Variants in CNTN3 observed in about 807,000 individuals in gnomAD.
CNTN3 encodes contactin 3.
Under a neutral mutation model 119.1 loss-of-function variants are expected in CNTN3, and 60 were observed. The observed-to-expected ratio is 0.50, with a 90% confidence interval of 0.41 to 0.62. The LOEUF (loss-of-function observed/expected upper bound fraction) is 0.62. Ranked by LOEUF, CNTN3 falls within the 20% of genes least tolerant of loss-of-function variation. The pLI, the probability that CNTN3 is intolerant of heterozygous loss-of-function variation, is 0.00. For missense variants in CNTN3, 1,101 were observed against 1,242.4 expected (o/e 0.89, Z 1.71); for synonymous variants, 450 against 438.7 (o/e 1.03, Z -0.32).
chr3:74,445,885 ACGTAGGACTT>A lies in CNTN3; in HGVS notation c.359-20955_359-20946del, dbSNP rs547371885. ...AAATAAACCTGAAATTGGGGCTGCC[ACGTAGGACTT>A]CACAGGTTGTGCACTGCACAACTCA... On this transcript the variant is annotated intron_variant, in intron 4 of 22. Coordinates refer to ENST00000263665, the MANE Select transcript of CNTN3 (RefSeq NM_020872.3). 1.2e-4 allele frequency among the ~76,000 whole-genome samples: 19 copies of A among 152,344 alleles called. 1 individual carries two copies. In the South Asian group the frequency reaches 3.1e-3, roughly 25 times the overall value.
intron 1 of CNTN3, among the ~76,000 whole-genome samples, chr3:74,577,367 C>T (rs1244196799): frequency 6.6e-6 from 1 of 152,140 alleles, no homozygotes; most frequent in Non-Finnish European, 1.5e-5. Flanking sequence ...TAAAATATAT[C>T]TTGGTTCATT....
chr3:74,343,179 T>C (rs1436820910), intron 11 of CNTN3, among the ~76,000 whole-genome samples: 2 of 152,200 alleles, frequency 1.3e-5, no homozygotes, highest in Non-Finnish European at 2.9e-5. Context: ...AATGGTTTCC[T>C]GACATTTCAC....
chr3:74,419,671 A>G (rs2106887303), intron 5 of CNTN3, among the ~76,000 whole-genome samples: 1 of 152,340 alleles, frequency 6.6e-6, no homozygotes, highest in African/African-American at 2.4e-5. Context: ...AAGACACCAA[A>G]GTCACTTGCT....
chr3:74,327,106 C>T (rs630278), intron 13 of CNTN3, among the ~76,000 whole-genome samples: 60,401 of 79,416 alleles, frequency 0.76, 20,984 homozygotes, highest in Non-Finnish European at 0.8. Context: ...AGGGTTAATC[C>T]TTTTTTTTTT....
chr3:74,307,265 A>G (rs1308435130), intron 13 of CNTN3, among the ~76,000 whole-genome samples: 2 of 152,200 alleles, frequency 1.3e-5, no homozygotes, highest in Non-Finnish European at 2.9e-5. Flanking sequence ...AGCTGACTTC[A>G]AGTTCATATT....
At chr3:74,293,399 C>A (rs1222400887) in intron 19 of CNTN3, among the ~76,000 whole-genome samples, 2 of 152,172 alleles carry the variant, frequency 1.3e-5, no homozygotes, top group African/African-American at 4.8e-5. Flanking sequence ...AAAAGAAGGG[C>A]AAGGTTACAT....
intron 1 of CNTN3, among the ~76,000 whole-genome samples, chr3:74,584,949 T>C (rs1025914558): frequency 1.3e-5 from 2 of 152,122 alleles, no homozygotes; most frequent in Non-Finnish European, 2.9e-5. Context: ...CCCTCATGAT[T>C]GCAAGATGGT....
chr3:74,319,508 A>T (rs1172491057), intron 13 of CNTN3, among the ~76,000 whole-genome samples: 2 of 152,148 alleles, frequency 1.3e-5, no homozygotes, highest in Non-Finnish European at 2.9e-5. Flanking sequence ...CTTATACAAA[A>T]ATTAATTCAA....
In CNTN3 at chr3:74,323,880, A is replaced by AT. The variant is rs111790238; in HGVS notation, c.1668+10854dup. 2.4e-3 allele frequency among the ~76,000 whole-genome samples: 360 copies of AT among 152,068 alleles called. 1 individual carries two copies. The highest frequency in any genetic ancestry group is 8.0e-3 in the African/African-American group (333 of 41,474). On this transcript the variant is annotated intron_variant, in intron 13 of 22. Transcript: ENST00000263665. ...TCAGCGTCAGCCTCCCAGAGATGAG[A>AT]TTTTTTTTAAATTTTCAAGTCACAG...
intron 4 of CNTN3, among the ~76,000 whole-genome samples, chr3:74,478,440 G>A (rs1448803821): frequency 6.6e-6 from 1 of 152,102 alleles, no homozygotes; most frequent in East Asian, 1.9e-4. Context: ...GATGTTTTGT[G>A]GAGGGTCTTG....
chr3:74,503,404 G>C (rs963668806), intron 2 of CNTN3, among the ~76,000 whole-genome samples: 1 of 152,046 alleles, frequency 6.6e-6, no homozygotes, highest in Non-Finnish European at 1.5e-5. Flanking sequence ...CTCTTAAAAA[G>C]TAAGTACAAA....
At chr3:74,602,888 T>C (rs1352424380) in intron 1 of CNTN3, among the ~76,000 whole-genome samples, 1 of 152,122 alleles carries the variant, frequency 6.6e-6, no homozygotes, top group Admixed American at 6.5e-5. Context: ...CTCACTAATG[T>C]GAACAGAATG....
intron 5 of CNTN3, among the ~76,000 whole-genome samples, chr3:74,375,526 C>T (rs1246521019): frequency 6.6e-6 from 1 of 152,100 alleles, no homozygotes; most frequent in African/African-American, 2.4e-5. Flanking sequence ...TTGAGGGGAA[C>T]AATCTTGGGT....
chr3:74,582,783 T>TTGTGTGTGTG (rs60306845), intron 1 of CNTN3, among the ~76,000 whole-genome samples: 8,927 of 145,006 alleles, frequency 0.062, 687 homozygotes, highest in African/African-American at 0.19. Context: ...GTGTATGCAT[T>TTGTGTGTGTG]TGTGTGTGTG....
rs185518092 is a variant in CNTN3, at chr3:74,465,125, C to A, written c.358+21331G>T. Among the ~76,000 whole-genome samples the A allele has an allele frequency of 1.2e-3, 178 of 152,286 alleles. 1 individual carries two copies. The highest frequency in any genetic ancestry group is 4.0e-3 in the African/African-American group (166 of 41,568). On this transcript the variant is annotated intron_variant, in intron 4 of 22. Coordinates refer to ENST00000263665, the MANE Select transcript of CNTN3 (RefSeq NM_020872.3). ...TTTGTAAATAAACATTCCCTAAGAA[C>A]CTTCTGACAATGTCAGTTTCCTATT...
intron 5 of CNTN3, among the ~76,000 whole-genome samples, chr3:74,394,351 G>A (rs545240576): frequency 6.6e-6 from 1 of 152,292 alleles, no homozygotes; most frequent in East Asian, 1.9e-4. Context: ...GCAAAATGAT[G>A]TGATTTTGAA....
chr3:74,471,281 C>A (rs1421789457), intron 4 of CNTN3, among the ~76,000 whole-genome samples: 12 of 151,850 alleles, frequency 7.9e-5, no homozygotes, highest in Admixed American at 7.9e-4. Flanking sequence ...CACCATGGCA[C>A]GTGTATACCT....
At chr3:74,603,828 A>G (rs2106708020) in intron 1 of CNTN3, among the ~76,000 whole-genome samples, 1 of 152,290 alleles carries the variant, frequency 6.6e-6, no homozygotes, top group East Asian at 1.9e-4. Flanking sequence ...CCTAAAATTT[A>G]TATGGAATCA....
intron 2 of CNTN3, among the ~76,000 whole-genome samples, chr3:74,500,277 A>G (rs528151249): frequency 6.6e-6 from 1 of 152,186 alleles, no homozygotes; most frequent in African/African-American, 2.4e-5. Flanking sequence ...TTACTAGCAA[A>G]TTGAAGAGAA....
Sources: gnomAD v4.1 joint callset for allele counts (sites outside exome capture counted in the v4.1 genomes callset) on GRCh38, gnomAD v4.1.1 for gene constraint, MANE v1.5 for transcripts, NCBI Gene and HGNC (gene_info 2026-07-23, HGNC 2026-07-21) for gene names.